The following MEI4 variants were observed in gnomAD, a reference collection of about 807,000 sequenced individuals.
MEI4 encodes meiosis-specific protein MEI4.
Under a neutral mutation model 31.4 loss-of-function variants are expected in MEI4, and 27 were observed. That is an observed-to-expected ratio of 0.86 (90% confidence interval 0.63 to 1.19). The LOEUF (loss-of-function observed/expected upper bound fraction) is 1.19. Among genes scored for constraint, MEI4 ranks in the 50% most tolerant of loss-of-function variants. MEI4 has a pLI of 0.00. For synonymous variants in MEI4, 122 were observed against 145.4 expected (o/e 0.84, Z 1.16); for missense variants, 329 against 398.9 (o/e 0.82, Z 1.49).
intron 2 of MEI4, among the ~76,000 whole-genome samples, chr6:77,698,079 G>A (rs896991757): frequency 6.6e-6 from 1 of 152,114 alleles, no homozygotes; most frequent in Non-Finnish European, 1.5e-5. Context: ...TCAGAGACTA[G>A]GATTGCAACC....
intron 3 of MEI4, among the ~76,000 whole-genome samples, chr6:77,799,346 T>A (rs1203023383): frequency 6.6e-6 from 1 of 152,196 alleles, no homozygotes; most frequent in African/African-American, 2.4e-5. Flanking sequence ...GGTTGTTTGT[T>A]TTTTTCTTCT....
chr6:77,815,175 C>A (rs1769660865), intron 3 of MEI4, among the ~76,000 whole-genome samples: 2 of 152,052 alleles, frequency 1.3e-5, no homozygotes, highest in African/African-American at 2.4e-5. Context: ...GTTGCCCTCT[C>A]CTCCAGCAAC....
upstream of MEI4, among the ~76,000 whole-genome samples, chr6:77,650,400 C>T (rs1768278920): frequency 6.6e-6 from 1 of 152,224 alleles, no homozygotes; most frequent in Non-Finnish European, 1.5e-5. Flanking sequence ...GGACCTGCTC[C>T]CTCACTTCCC....
rs558369558 is a variant in MEI4 at position 77,798,843 on chromosome 6, T to C, written c.769-30088T>C. 1.1e-4 allele frequency among the ~76,000 whole-genome samples: 17 copies of C among 152,084 alleles called. No homozygotes were observed. In the South Asian group the frequency reaches 3.5e-3, roughly 32 times the overall value. On this transcript the variant is annotated intron_variant, in intron 3 of 4. Coordinates refer to ENST00000684080, the MANE Select transcript of MEI4 (RefSeq NM_001322247.2). ...GAACTCATCATTTTTTATGGCTGCGTAGTATTCCATGGTGTATATGTGCCA... is the reference window on the plus strand; with the variant it reads ...GAACTCATCATTTTTTATGGCTGCGCAGTATTCCATGGTGTATATGTGCCA...
At chr6:77,897,588 A>G (rs1451339954) in intron 4 of MEI4, among the ~76,000 whole-genome samples, 1 of 151,984 alleles carries the variant, frequency 6.6e-6, no homozygotes, top group Non-Finnish European at 1.5e-5. Flanking sequence ...CCAATACGAA[A>G]AAAGGGTAAA....
chr6:77,832,905 CAT>C (rs1290434300), intron 4 of MEI4, among the ~76,000 whole-genome samples: 1 of 152,078 alleles, frequency 6.6e-6, no homozygotes, highest in Non-Finnish European at 1.5e-5. Flanking sequence ...TCAAGTTTAA[CAT>C]ATTTTTTATG....
At chr6:77,738,324 T>G (rs1013234290) in intron 2 of MEI4, among the ~76,000 whole-genome samples, 3 of 152,222 alleles carry the variant, frequency 2.0e-5, no homozygotes, top group African/African-American at 4.8e-5. Flanking sequence ...ATTTCACGCA[T>G]TTGAGAGTGA....
intron 2 of MEI4, among the ~76,000 whole-genome samples, chr6:77,729,212 G>A (rs1766907891): frequency 6.6e-6 from 1 of 152,184 alleles, no homozygotes; most frequent in Non-Finnish European, 1.5e-5. Flanking sequence ...CCAAAGAATA[G>A]TAGTGTAAAC....
At chr6:77,734,942 T>C (rs1370572816) in intron 2 of MEI4, among the ~76,000 whole-genome samples, 3 of 151,974 alleles carry the variant, frequency 2.0e-5, no homozygotes, top group East Asian at 1.9e-4. Context: ...TTCTTTTCTT[T>C]AAGAATGTTG....
At chr6:77,828,803 A>C (rs1176120925) in intron 3 of MEI4, 128 bp from the exon 4 acceptor site, 18 of 627,108 alleles carry the variant, frequency 2.9e-5, no homozygotes, top group Non-Finnish European at 4.1e-5. Context: ...GTTGTTCTTG[A>C]GACTGACCCA....
At chr6:77,818,636 A>G (rs1769744107) in intron 3 of MEI4, among the ~76,000 whole-genome samples, 1 of 152,110 alleles carries the variant, frequency 6.6e-6, no homozygotes, top group African/African-American at 2.4e-5. Context: ...CTGTGTTATT[A>G]TATAATTTTA....
At chr6:77,669,571 T>C (rs1768699982) in intron 1 of MEI4, among the ~76,000 whole-genome samples, 1 of 147,506 alleles carries the variant, frequency 6.8e-6, no homozygotes, top group Non-Finnish European at 1.5e-5. Flanking sequence ...TTTTGGATAC[T>C]GAACTAGTCT....
chr6:77,712,984 A>AT (rs920214253), intron 2 of MEI4, among the ~76,000 whole-genome samples: 2 of 151,952 alleles, frequency 1.3e-5, no homozygotes, highest in Admixed American at 1.3e-4. Context: ...AAAAAAAAAA[A>AT]GAAGAAGCAT....
intron 3 of MEI4, among the ~76,000 whole-genome samples, chr6:77,763,412 C>G (rs950487958): frequency 1.3e-5 from 2 of 152,066 alleles, no homozygotes; most frequent in African/African-American, 4.8e-5. Flanking sequence ...CTAGGTTGCC[C>G]TTCGTGTTTA....
chr6:77,697,594 T>G (rs1356849287), intron 2 of MEI4, among the ~76,000 whole-genome samples: 1 of 152,224 alleles, frequency 6.6e-6, no homozygotes, highest in African/African-American at 2.4e-5. Context: ...AGTTTCTTAA[T>G]CCTGAGTTCT....
chr6:77,877,344 T>C (rs1447020059), intron 4 of MEI4, among the ~76,000 whole-genome samples: 1 of 151,972 alleles, frequency 6.6e-6, no homozygotes, highest in African/African-American at 2.4e-5. Flanking sequence ...TTATAACCCT[T>C]CAAAGTTGTG....
intron 4 of MEI4, among the ~76,000 whole-genome samples, chr6:77,840,737 T>C (rs1770337572): frequency 1.3e-5 from 2 of 152,144 alleles, no homozygotes. Flanking sequence ...AAAATGAACA[T>C]TGTAATTACC....
intron 2 of MEI4, among the ~76,000 whole-genome samples, chr6:77,726,354 GC>G (rs1766820819): frequency 6.6e-6 from 1 of 152,062 alleles, no homozygotes; most frequent in African/African-American, 2.4e-5. Context: ...GATCTCTCTT[GC>G]TTTTCCCCAC....
Position 77,865,209 on chromosome 6 carries a change from G to C in MEI4, c.900+36147G>C, listed in dbSNP as rs1356132293. On this transcript the variant is annotated intron_variant, in intron 4 of 4. Coordinates refer to ENST00000684080, the MANE Select transcript of MEI4 (RefSeq NM_001322247.2). ...GAGCAAACATATTCAAAAGCTAGCA[G>C]AAGGCAAGAAATAACTAAGATCAGA... Among the ~76,000 whole-genome samples the C allele has an allele frequency of 9.9e-5, 15 of 152,174 alleles. No homozygotes were observed. The South Asian group carries it at 2.7e-3, about 27-fold the overall frequency.
Sources: allele counts gnomAD v4.1 joint callset (sites outside exome capture counted in the v4.1 genomes callset), GRCh38; gene constraint gnomAD v4.1.1; transcripts MANE v1.5; gene names NCBI Gene and HGNC (gene_info 2026-07-23, HGNC 2026-07-21).